Variants in NPSR1 observed in about 807,000 individuals in gnomAD.
NPSR1 encodes neuropeptide S receptor.
In NPSR1, 48 loss-of-function variants were observed where a neutral mutation model predicts 46.9. That is an observed-to-expected ratio of 1.02 (90% CI 0.81 to 1.30). The LOEUF (loss-of-function observed/expected upper bound fraction) is 1.30, where lower values mean the gene tolerates loss of function less well. Ranked by LOEUF, NPSR1 falls within the 50% of genes most tolerant of loss-of-function variation. The probability of loss-of-function intolerance (pLI) is 0.00; values close to 1 mark genes in which losing one functional copy is unlikely to be tolerated. For missense variants in NPSR1, 450 were observed against 449.5 expected, an observed-to-expected ratio of 1.00 and a Z score of -0.01; for synonymous variants, 176 against 168.1, an observed-to-expected ratio of 1.05 and a Z score of -0.36.
At chr7:34,817,794 A>G (rs1028160175) in intron 4 of NPSR1, among the ~76,000 whole-genome samples, 1 of 152,268 alleles carries the variant, frequency 6.6e-6, no homozygotes, top group Non-Finnish European at 1.5e-5. Context: ...AATCCATCAC[A>G]TAAACAGAAC....
chr7:34,775,953 T>A (rs916215233), intron 2 of NPSR1, among the ~76,000 whole-genome samples: 7 of 152,122 alleles, frequency 4.6e-5, no homozygotes, highest in African/African-American at 1.7e-4. Flanking sequence ...TTCAAGAAAC[T>A]TTTAAATTTT....
intron 2 of NPSR1, among the ~76,000 whole-genome samples, chr7:34,705,993 C>T (rs1794085922): frequency 1.3e-5 from 2 of 151,178 alleles, no homozygotes. Context: ...TCTTTATGAG[C>T]CTTTTTCTTC....
chr7:34,690,627 A>G (rs2128689248), intron 2 of NPSR1, among the ~76,000 whole-genome samples: 1 of 152,328 alleles, frequency 6.6e-6, no homozygotes, highest in South Asian at 2.1e-4. Context: ...AAGTGGAAGA[A>G]AGACTTTCAG....
chr7:34,845,184 T>C (rs971797775), intron 7 of NPSR1, among the ~76,000 whole-genome samples: 1 of 152,188 alleles, frequency 6.6e-6, no homozygotes, highest in Non-Finnish European at 1.5e-5. Context: ...TCCTTATGAA[T>C]ACAGCTGCCT....
chr7:34,835,209 G>A (rs577136482), intron 6 of NPSR1, among the ~76,000 whole-genome samples: 5 of 152,206 alleles, frequency 3.3e-5, no homozygotes, highest in South Asian at 4.2e-4. Context: ...GACTGGCTCC[G>A]CTCAGCTTCC....
At chr7:34,701,917 T>G (rs1451669618) in intron 2 of NPSR1, among the ~76,000 whole-genome samples, 3 of 152,208 alleles carry the variant, frequency 2.0e-5, no homozygotes, top group African/African-American at 7.2e-5. Context: ...GGTCTTTTCT[T>G]TATTGAGTTG....
intron 2 of NPSR1, among the ~76,000 whole-genome samples, chr7:34,686,960 CAA>C (rs66886501): frequency 0.033 from 3,148 of 94,136 alleles, 35 homozygotes; most frequent in Middle Eastern, 0.07. Flanking sequence ...GACTCCGTCT[CAA>C]AAAAAAAAAA....
chr7:34,694,264 G>A (rs1044118464), intron 2 of NPSR1, among the ~76,000 whole-genome samples: 14 of 152,060 alleles, frequency 9.2e-5, no homozygotes, highest in Non-Finnish European at 1.5e-4. Flanking sequence ...ACACTCTACA[G>A]ACTCCAAAAG....
intron 2 of NPSR1, among the ~76,000 whole-genome samples, chr7:34,722,497 AT>A (rs1783912939): frequency 6.6e-6 from 1 of 152,142 alleles, no homozygotes; most frequent in African/African-American, 2.4e-5. Flanking sequence ...TTTTATATTG[AT>A]TTGTTTGGGG....
chr7:34,727,198 T>A (rs1047943646), intron 2 of NPSR1, among the ~76,000 whole-genome samples: 3 of 152,182 alleles, frequency 2.0e-5, no homozygotes, highest in East Asian at 3.8e-4. Context: ...GTGTTTTTTT[T>A]AATGATGCAT....
chr7:34,825,235 C>A (rs913059497), intron 4 of NPSR1, among the ~76,000 whole-genome samples: 1 of 152,242 alleles, frequency 6.6e-6, no homozygotes, highest in African/African-American at 2.4e-5. Context: ...TCAGTCTAGA[C>A]TACCTTCTAC....
chr7:34,794,214 A>G (rs1353622061), intron 3 of NPSR1, among the ~76,000 whole-genome samples: 1 of 152,140 alleles, frequency 6.6e-6, no homozygotes, highest in Non-Finnish European at 1.5e-5. Flanking sequence ...AACTTGAAGA[A>G]AGGATTTTAA....
At chr7:34,863,002 C>A (rs1281160742) in intron 8 of NPSR1, among the ~76,000 whole-genome samples, 1 of 151,688 alleles carries the variant, frequency 6.6e-6, no homozygotes, top group African/African-American at 2.4e-5. Flanking sequence ...CTACAGTAAC[C>A]AAAACAGCAT....
At chr7:34,775,862 A>C (rs1287626260) in intron 2 of NPSR1, among the ~76,000 whole-genome samples, 1 of 152,104 alleles carries the variant, frequency 6.6e-6, no homozygotes, top group African/African-American at 2.4e-5. Flanking sequence ...CAATGAAGGT[A>C]CTAATAGCCA....
At chr7:34,778,312 A>G (rs1787071313) in intron 2 of NPSR1, 150 bp from the exon 3 acceptor site, 1 of 511,016 alleles carries the variant, frequency 2.0e-6, no homozygotes, top group African/African-American at 2.0e-5. Context: ...CTTGCTTTGC[A>G]TTTCCTCAGT....
At chr7:34,662,252 T>C (rs1470602767) in intron 1 of NPSR1, among the ~76,000 whole-genome samples, 2 of 152,208 alleles carry the variant, frequency 1.3e-5, no homozygotes, top group African/African-American at 4.8e-5. Context: ...GTCTATTGTT[T>C]ATATGTAAAT....
intron 8 of NPSR1, among the ~76,000 whole-genome samples, chr7:34,877,465 C>T (rs1425495840): frequency 6.6e-6 from 1 of 152,150 alleles, no homozygotes; most frequent in Non-Finnish European, 1.5e-5. Context: ...TGTCACTGCA[C>T]TATTTGGGGG....
intron 6 of NPSR1, among the ~76,000 whole-genome samples, chr7:34,836,870 T>C (rs1019343257): frequency 6.6e-6 from 1 of 152,164 alleles, no homozygotes; most frequent in African/African-American, 2.4e-5. Context: ...TATATAGCCA[T>C]ACAATTAAAT....
intron 2 of NPSR1, among the ~76,000 whole-genome samples, chr7:34,710,209 T>A (rs1192794819): frequency 6.6e-6 from 1 of 152,196 alleles, no homozygotes; most frequent in African/African-American, 2.4e-5. Context: ...AAAGGCCACC[T>A]TCTGACCAAA....
Sources: allele counts gnomAD v4.1 joint callset (sites outside exome capture counted in the v4.1 genomes callset), GRCh38; gene constraint gnomAD v4.1.1; transcripts MANE v1.5; gene names NCBI Gene and HGNC (gene_info 2026-07-23, HGNC 2026-07-21).